Variants in CNNM1 observed in about 807,000 individuals in gnomAD.
CNNM1 encodes cyclin and CBS domain divalent metal cation transport mediator 1.
CNNM1 carries 44 observed loss-of-function variants against 78.8 expected under a neutral mutation model. The ratio of observed to expected loss-of-function variants is 0.56; its 90% CI spans 0.44 to 0.72. CNNM1 has a LOEUF of 0.72. CNNM1 is among the 30% of genes least tolerant of loss of function. CNNM1 has a pLI of 0.00. For missense variants in CNNM1, 1,101 were observed against 1,292.2 expected (o/e 0.85, Z 2.27); for synonymous variants, 584 against 581.5 (o/e 1.00, Z -0.06).
At chr10:99,341,685 A>AGAGAGGGAGCC (rs1374377291) in intron 1 of CNNM1, among the ~76,000 whole-genome samples, 2 of 152,198 alleles carry the variant, frequency 1.3e-5, no homozygotes, top group Non-Finnish European at 2.9e-5. Flanking sequence ...AAAGAAAGGC[A>AGAGAGGGAGCC]GAGAGGGAGC....
chr10:99,346,896 C>T (rs1055542547), intron 1 of CNNM1, among the ~76,000 whole-genome samples: 1 of 152,192 alleles, frequency 6.6e-6, no homozygotes, highest in Non-Finnish European at 1.5e-5. Context: ...AGGCGTGAGC[C>T]ACTGCACTCG....
At chr10:99,381,409 CAAAAAAA>C (rs55670936) in intron 7 of CNNM1, among the ~76,000 whole-genome samples, 1 of 114,634 alleles carries the variant, frequency 8.7e-6, no homozygotes, top group South Asian at 2.9e-4. Flanking sequence ...ACTCTGTCTT[CAAAAAAA>C]AAAAAAAAAG....
intron 7 of CNNM1, among the ~76,000 whole-genome samples, chr10:99,377,495 A>G (rs191569438): frequency 2.6e-5 from 4 of 152,262 alleles, no homozygotes; most frequent in Admixed American, 6.5e-5. Flanking sequence ...GCCTGACACA[A>G]ATTGCTGCCA....
intron 1 of CNNM1, among the ~76,000 whole-genome samples, chr10:99,338,236 A>G (rs192686012): frequency 6.0e-4 from 91 of 152,306 alleles, no homozygotes; most frequent in Non-Finnish European, 9.4e-4. Flanking sequence ...AAAGTGCTAT[A>G]CTAGAAATGC....
At chr10:99,384,541 C>T (rs1014353146) in intron 7 of CNNM1, among the ~76,000 whole-genome samples, 2 of 151,880 alleles carry the variant, frequency 1.3e-5, no homozygotes, top group African/African-American at 2.4e-5. Context: ...CTAGTGTGGC[C>T]GTCTGAATCT....
intron 6 of CNNM1, among the ~76,000 whole-genome samples, chr10:99,372,451 G>C (rs1250723397): frequency 6.6e-6 from 1 of 152,170 alleles, no homozygotes; most frequent in Admixed American, 6.5e-5. Flanking sequence ...TGCTTGGCCT[G>C]CTGCCTGCTG....
Position 99,379,637 on chromosome 10 carries a change from G to A in CNNM1, c.2340+2419G>A, listed in dbSNP as rs1020431655. ...ATTTGGATTCTACTTTAAGTGTGGC[G>A]GGATTTTTTTTTTTTTTTTTTGTAG... On this transcript the variant is annotated intron_variant, in intron 7 of 10. Transcript: ENST00000356713. Among the ~76,000 whole-genome samples, 8 of 118,674 alleles carry A rather than the reference G, an allele frequency of 6.7e-5. No individual in the cohort carries two copies. In the South Asian group the frequency reaches 8.8e-4, roughly 13 times the overall value. 77.9% of individuals were successfully genotyped at this position (118,674 alleles called of 152,430 possible).
intron 7 of CNNM1, among the ~76,000 whole-genome samples, chr10:99,384,294 C>T (rs934309330): frequency 6.6e-6 from 1 of 152,104 alleles, no homozygotes. Flanking sequence ...ACCTTGTCAA[C>T]AATTTCTTTT....
chr10:99,380,268 A>G (rs1164463820), intron 7 of CNNM1, among the ~76,000 whole-genome samples: 1 of 152,122 alleles, frequency 6.6e-6, no homozygotes, highest in Non-Finnish European at 1.5e-5. Context: ...GGGGACACAA[A>G]CATTCAGTCC....
intron 1 of CNNM1, among the ~76,000 whole-genome samples, chr10:99,344,930 C>T (rs934536108): frequency 2.0e-5 from 3 of 152,210 alleles, no homozygotes; most frequent in African/African-American, 7.2e-5. Flanking sequence ...AGCATGCCTT[C>T]CTGCAGCCTC....
In CNNM1 at chr10:99,388,168, G is replaced by C; in HGVS notation, c.2541G>C (p.Gly847=). Residue 847 remains glycine (G), a synonymous_variant, in exon 9 of 11, where the codon GGG becomes GGC. Transcript: ENST00000356713. ...RNSLPCSRSD[G]LRSPSEVVYL... is the part of the protein sequence containing the mutation. ...CCTCCCCAGGCAGCCGCTCAGACGGGCTGAGAAGCCCCAGCGAGGTAGTGT... is the reference window on the plus strand; with the variant it reads ...CCTCCCCAGGCAGCCGCTCAGACGGCCTGAGAAGCCCCAGCGAGGTAGTGT... 1 of 1,613,758 alleles carries C rather than the reference G, an allele frequency of 6.2e-7. No homozygotes were observed. The highest frequency in any genetic ancestry group is 8.5e-7 in the Non-Finnish European group (1 of 1,179,848).
intron 6 of CNNM1, among the ~76,000 whole-genome samples, chr10:99,370,319 G>A (rs1589911998): frequency 6.6e-6 from 1 of 152,202 alleles, no homozygotes; most frequent in East Asian, 1.9e-4. Flanking sequence ...CCCATAAAGA[G>A]GTAAGCTTAT....
chr10:99,356,514 G>GAAAGAAAGAAAGAAAGAA (rs1234385335), intron 1 of CNNM1, among the ~76,000 whole-genome samples: 6 of 142,646 alleles, frequency 4.2e-5, no homozygotes, highest in African/African-American at 1.6e-4. Context: ...GAGAGAGAAA[G>GAAAGAAAGAAAGAAAGAA]AGAAAGAGAG....
At chr10:99,388,047 G>A in intron 8 of CNNM1, 44 bp downstream of exon 8, 2 of 1,577,150 alleles carry the variant, frequency 1.3e-6, no homozygotes, top group Non-Finnish European at 1.7e-6. Flanking sequence ...GGTGTGGGGT[G>A]AGGATGACCC....
At chr10:99,356,259 T>G (rs1332949583) in intron 1 of CNNM1, among the ~76,000 whole-genome samples, 3 of 151,994 alleles carry the variant, frequency 2.0e-5, no homozygotes, top group South Asian at 2.1e-4. Context: ...AGATGGACCA[T>G]GAGGTCAAGA....
At position 99,340,640 on chromosome 10, in the gene CNNM1, C is replaced by T. The variant is rs368466064; in HGVS notation, c.1573+9680C>T. On this transcript the variant is annotated intron_variant, in intron 1 of 10. Coordinates refer to ENST00000356713, the MANE Select transcript of CNNM1 (RefSeq NM_020348.3). ...GGACCTTCAATAACAGCTCTAAATT[C>T]TCTTTTTATTTGCTACTGTTATATT... is the stretch of plus-strand genomic sequence containing the variant. Among the ~76,000 whole-genome samples, 2 of 152,082 alleles carry T rather than the reference C, an allele frequency of 1.3e-5. 1 individual carries two copies. The highest frequency in any genetic ancestry group is 1.3e-4 in the Admixed American group (2 of 15,256).
Position 99,391,358 on chromosome 10 carries a change from G to C in CNNM1, c.2777-79G>C, listed in dbSNP as rs1014039810. ...TTGTCTCCATTTCTGCTTCTGTTTT[G>C]AAAAGAACTCAGACTGCCAAGCAAT... On this transcript the variant is annotated intron_variant, in intron 10 of 10. Coordinates refer to ENST00000356713, the MANE Select transcript of CNNM1 (RefSeq NM_020348.3). 33 of 1,125,130 alleles carry C rather than the reference G, an allele frequency of 2.9e-5. No individual in the cohort carries two copies. In the African/African-American group the frequency reaches 5.1e-4, roughly 17 times the overall value. The allele number at this position is 1,125,130 out of a possible 1,614,324, so 69.7% of individuals were successfully genotyped here.
chr10:99,341,324 C>G (rs1409800144), intron 1 of CNNM1, among the ~76,000 whole-genome samples: 1 of 152,032 alleles, frequency 6.6e-6, no homozygotes. Flanking sequence ...CTCCTGTTTT[C>G]CCCCAGTGAC....
chr10:99,334,021 G>C (rs1025740420), intron 1 of CNNM1, among the ~76,000 whole-genome samples: 4 of 152,188 alleles, frequency 2.6e-5, no homozygotes, highest in African/African-American at 9.7e-5. Flanking sequence ...CTCAAAGTAA[G>C]GTCCGTGAAA....
Sources: allele counts gnomAD v4.1 joint callset (sites outside exome capture counted in the v4.1 genomes callset), GRCh38; gene constraint gnomAD v4.1.1; transcripts MANE v1.5; gene names NCBI Gene and HGNC (gene_info 2026-07-23, HGNC 2026-07-21).